HEYL: variants seen among roughly 807,000 people sequenced by gnomAD.
HEYL encodes hairy/enhancer-of-split related with YRPW motif-like protein.
Under a neutral mutation model 18.6 loss-of-function variants are expected in HEYL, and 12 were observed. The observed-to-expected ratio is 0.65, with a 90% CI of 0.41 to 1.05. HEYL has a LOEUF of 1.05. Ranked by LOEUF, HEYL falls within the 50% of genes least tolerant of loss-of-function variation. HEYL has a pLI of 0.00. For missense variants in HEYL, 420 were observed against 444.7 expected, an observed-to-expected ratio of 0.94 and a Z score of 0.50; for synonymous variants, 159 against 179.6, an observed-to-expected ratio of 0.89 and a Z score of 0.91.
intron 1 of HEYL, 116 bp from the exon 2 acceptor site, chr1:39,632,831 C>T: frequency 2.0e-6 from 3 of 1,532,270 alleles, no homozygotes; most frequent in South Asian, 2.6e-5. Context: ...GCTTGCTCTC[C>T]CCTTCTTCCT....
At chr1:39,630,156 G>T in intron 4 of HEYL, 71 bp downstream of exon 4, 1 of 1,348,732 alleles carries the variant, frequency 7.4e-7, no homozygotes. Flanking sequence ...TTGCTCACCA[G>T]CATATCCCCA....
At chr1:39,627,406 T>C (rs1469224866) in intron 4 of HEYL, among the ~76,000 whole-genome samples, 1 of 152,244 alleles carries the variant, frequency 6.6e-6, no homozygotes, top group African/African-American at 2.4e-5. Context: ...TTCACTAAAC[T>C]ATGAAGCATT....
rs755774767 is a variant in HEYL at position 39,631,557 on chromosome 1, T to A, written c.170A>T (p.Asp57Val). Reference protein sequence around the residue: ...HRGIIEKRRRDRINSSLSELR... With the variant: ...HRGIIEKRRRVRINSSLSELR... ...TTCAGAAAGGCTACTGTTGATGCGGTCTCGACGCCGTTTCTCTATGATCTA... is the reference window on the plus strand; with the variant it reads ...TTCAGAAAGGCTACTGTTGATGCGGACTCGACGCCGTTTCTCTATGATCTA... The change falls in exon 3 of 5, where the codon GAC becomes GTC. Residue 57 changes from aspartate to valine, a missense_variant. Asp to Val is a radical substitution (Grantham distance 152, BLOSUM62 -3). Coordinates refer to ENST00000372852, the MANE Select transcript of HEYL (RefSeq NM_014571.4). 2.5e-6 allele frequency: 4 copies of A among 1,614,220 alleles called. No homozygotes were observed. The highest frequency in any genetic ancestry group is 3.4e-6 in the Non-Finnish European group (4 of 1,180,018).
rs1373880430 is a variant in HEYL, at chr1:39,623,468, A to G, written c.*3039T>C. Among the ~76,000 whole-genome samples, 1 of 152,250 alleles carries G rather than the reference A, an allele frequency of 6.6e-6. No homozygotes were observed. The highest frequency in any genetic ancestry group is 1.5e-5 in the Non-Finnish European group (1 of 68,046). On this transcript the variant is annotated 3_prime_UTR_variant, in exon 5 of 5. Transcript: ENST00000372852. ...TTCAACAAGTATTTATTGAACGCCA[A>G]CTATGGACCAGGCCCTGTGCTCAAT... is the stretch of plus-strand genomic sequence containing the variant.
chr1:39,627,788 C>G (rs1646309055), intron 4 of HEYL, among the ~76,000 whole-genome samples: 1 of 152,196 alleles, frequency 6.6e-6, no homozygotes, highest in Admixed American at 6.5e-5. Context: ...ATAGCAGTGC[C>G]TACCGTATAG....
At chr1:39,638,127 G>T (rs1646369471) in intron 1 of HEYL, among the ~76,000 whole-genome samples, 1 of 152,208 alleles carries the variant, frequency 6.6e-6, no homozygotes. Flanking sequence ...AATTAAGAAA[G>T]GCTAATACGT....
chr1:39,630,064 G>C (rs1487892595), intron 4 of HEYL, among the ~76,000 whole-genome samples, 163 bp downstream of exon 4: 1 of 152,216 alleles, frequency 6.6e-6, no homozygotes, highest in African/African-American at 2.4e-5. Context: ...AAGTGGAGAG[G>C]GAGATGCTGA....
chr1:39,636,869 C>A (rs1428340044), intron 1 of HEYL, among the ~76,000 whole-genome samples: 2 of 152,228 alleles, frequency 1.3e-5, no homozygotes, highest in African/African-American at 4.8e-5. Flanking sequence ...TGCCCCCCAA[C>A]TGAATGGTGA....
chr1:39,632,509 C>T (rs1233656621), intron 2 of HEYL, 140 bp downstream of exon 2: 2 of 764,276 alleles, frequency 2.6e-6, no homozygotes, highest in Non-Finnish European at 4.4e-6. Context: ...ACCCTGATAG[C>T]TAGTGACAGA....
At chr1:39,631,192 G>A (rs556083699) in intron 3 of HEYL, among the ~76,000 whole-genome samples, 6 of 152,188 alleles carry the variant, frequency 3.9e-5, no homozygotes, top group Non-Finnish European at 5.9e-5. Flanking sequence ...TACTAGCTGC[G>A]TGATCTGGTG....
At chr1:39,637,721 T>C (rs1050115117) in intron 1 of HEYL, among the ~76,000 whole-genome samples, 1 of 152,204 alleles carries the variant, frequency 6.6e-6, no homozygotes. Context: ...GCTGTATGTA[T>C]AGGAAAAAAC....
intron 1 of HEYL, among the ~76,000 whole-genome samples, chr1:39,637,679 G>A (rs1646367983): frequency 6.6e-6 from 1 of 152,232 alleles, no homozygotes; most frequent in East Asian, 1.9e-4. Flanking sequence ...TAAGAACAGT[G>A]TCTAAAAATG....
chr1:39,627,885 G>A (rs941290249), intron 4 of HEYL, among the ~76,000 whole-genome samples: 1 of 152,238 alleles, frequency 6.6e-6, no homozygotes, highest in African/African-American at 2.4e-5. Flanking sequence ...GCTTGGCCTT[G>A]TTGGCATCTG....
At chr1:39,631,883 A>G (rs1319882485) in intron 2 of HEYL, among the ~76,000 whole-genome samples, 8 of 152,238 alleles carry the variant, frequency 5.3e-5, no homozygotes, top group African/African-American at 1.9e-4. Flanking sequence ...GACACCAGCC[A>G]CGGTGCTGGA....
At chr1:39,639,384 C>T (rs1380453309) in intron 1 of HEYL, among the ~76,000 whole-genome samples, 162 bp downstream of exon 1, 2 of 152,188 alleles carry the variant, frequency 1.3e-5, no homozygotes, top group Non-Finnish European at 1.5e-5. Flanking sequence ...TGTAACGGCA[C>T]GGCCCGCACA....
chr1:39,623,855 G>A lies in HEYL; in HGVS notation c.*2652C>T, dbSNP rs1298297113. Among the ~76,000 whole-genome samples the A allele has an allele frequency of 1.3e-5, 2 of 152,210 alleles. No individual in the cohort carries two copies. Among genetic ancestry groups the A allele is most frequent in the African/African-American group, 4.8e-5 (2 of 41,454 alleles). ...GAAGGGCAGGTGGCAGAAGCTCAGG[G>A]AGCAAGTCTGGGACTGGCAAGAAAT... On this transcript the variant is annotated 3_prime_UTR_variant, in exon 5 of 5. Transcript: ENST00000372852.
intron 4 of HEYL, among the ~76,000 whole-genome samples, chr1:39,627,944 T>C (rs1249850844): frequency 6.6e-6 from 1 of 152,244 alleles, no homozygotes; most frequent in Non-Finnish European, 1.5e-5. Context: ...GACCCCACTG[T>C]GATCCTCAGC....
Position 39,639,613 on chromosome 1 carries a change from T to C in HEYL, c.13A>G (p.Lys5Glu), listed in dbSNP as rs200352226. The C allele has an allele frequency of 3.7e-4, 574 of 1,569,148 alleles. 1 individual carries two copies. Among genetic ancestry groups the C allele is most frequent in the Non-Finnish European group, 7.6e-5 (89 of 1,163,522 alleles). The change falls in exon 1 of 5, where the codon AAG (lysine) becomes GAG (glutamate). Residue 5 changes from lysine to glutamate, a missense_variant. Physicochemically the swap from Lys to Glu is moderately conservative, Grantham distance 56 (BLOSUM62 1). Transcript: ENST00000372852. ...TCCCCGTCGGAGCCGCTCGGCTCCTTGGGTCGCTTCATGGCGAACGCAGGC... is the reference window on the plus strand; with the variant it reads ...TCCCCGTCGGAGCCGCTCGGCTCCTCGGGTCGCTTCATGGCGAACGCAGGC... Reference protein sequence around the residue: MKRPKEPSGSDGESD... With the variant: MKRPEEPSGSDGESD...
intron 3 of HEYL, among the ~76,000 whole-genome samples, chr1:39,630,686 C>T (rs562635957): frequency 6.6e-6 from 1 of 152,354 alleles, no homozygotes; most frequent in South Asian, 2.1e-4. Flanking sequence ...TGGCTTTAGC[C>T]ACCATCCTCA....
Sources: allele counts gnomAD v4.1 joint callset (sites outside exome capture counted in the v4.1 genomes callset), GRCh38; gene constraint gnomAD v4.1.1; transcripts MANE v1.5; gene names NCBI Gene and HGNC (gene_info 2026-07-23, HGNC 2026-07-21).